Variants in GNAS observed in about 807,000 individuals in gnomAD.
GNAS encodes GNAS complex locus.
GNAS carries 8 observed loss-of-function variants against 54.5 expected under a neutral mutation model. The ratio of observed to expected loss-of-function variants is 0.15; its 90% CI spans 0.09 to 0.26. The LOEUF is 0.26. GNAS is among the 10% of genes least tolerant of loss of function. GNAS has a pLI of 1.00. For missense variants in GNAS, 170 were observed against 529.8 expected (o/e 0.32, Z 6.67); for synonymous variants, 204 against 191.4 (o/e 1.07, Z -0.54).
chr20:58,864,942 C>A (rs1406659575), intron 1 of GNAS, among the ~76,000 whole-genome samples: 2 of 151,698 alleles, frequency 1.3e-5, no homozygotes, highest in East Asian at 3.9e-4. Context: ...CACACACACA[C>A]ACACACACAC....
chr20:58,895,350 C>T, intron 1 of GNAS: 1 of 472,136 alleles, frequency 2.1e-6, no homozygotes, highest in South Asian at 2.2e-5. Flanking sequence ...ATTTTTTAAA[C>T]AATCAAAAGA....
rs2091347463 is a variant in GNAS, at chr20:58,910,243, G to GT, written c.971-87dup. 1 of 1,284,312 alleles carries GT rather than the reference G, an allele frequency of 7.8e-7. No individual in the cohort carries two copies. The allele number at this position is 1,284,312 out of a possible 1,614,324, so 79.6% of individuals were successfully genotyped here. On this transcript the variant is annotated intron_variant, in intron 11 of 12. Coordinates refer to ENST00000371085, the MANE Select transcript of GNAS (RefSeq NM_000516.7). The surrounding 1 kb of genome is among the most constrained non-coding windows in gnomAD (Gnocchi z 5.8). ...CTAATTCTCATATGGAAAAATCAGG[G>GT]TTTTGAAGACTTCAGGAGCTACAGA...
chr20:58,899,974 A>G (rs917346679), intron 3 of GNAS: 4 of 717,450 alleles, frequency 5.6e-6, no homozygotes, highest in African/African-American at 1.8e-5. Context: ...GATGATGGCT[A>G]CAGTTTCTCA....
chr20:58,859,685 G>T (rs1415377776), intron 1 of GNAS, among the ~76,000 whole-genome samples: 2 of 150,978 alleles, frequency 1.3e-5, no homozygotes, highest in Admixed American at 1.3e-4. Context: ...GGAGTGCGAT[G>T]GTGTGATTTT....
At chr20:58,900,251 T>C (rs747038622) in intron 3 of GNAS, 5 of 497,904 alleles carry the variant, frequency 1.0e-5, no homozygotes, top group East Asian at 3.4e-5. Context: ...GAGCAAGATA[T>C]GACAAGTCCT....
chr20:58,843,314 CCCCCGAGGAAAG>C (rs2145488660), intron 1 of GNAS: 1 of 151,994 alleles, frequency 6.6e-6, no homozygotes, highest in East Asian at 1.9e-4. Flanking sequence ...GCTATACCAA[CCCCCGAGGAAAG>C]CACCTATGGC....
chr20:58,891,463 G>A lies in GNAS; in HGVS notation c.-264G>A. The stretch of plus-strand genomic sequence containing the variant: ...CTGCTCTGGTCCGCCTCGGCCCGGC[G>A]GCGGCCATCAGCCCCCTCGGCCTCG... On this transcript the variant is annotated 5_prime_UTR_variant, in exon 1 of 13. Coordinates refer to ENST00000371085, the MANE Select transcript of GNAS (RefSeq NM_000516.7). The A allele has an allele frequency of 3.7e-6, 3 of 820,290 alleles. No homozygotes were observed. The highest frequency in any genetic ancestry group is 4.4e-6 in the Non-Finnish European group (3 of 682,066). 50.8% of individuals were successfully genotyped at this position (820,290 alleles called of 1,614,324 possible). A position where few individuals can be genotyped will look rare whatever the true frequency, so the allele number is the denominator to read the frequency against.
At chr20:58,854,582 C>T in intron 1 of GNAS, 1 of 1,557,404 alleles carries the variant, frequency 6.4e-7, no homozygotes, top group Non-Finnish European at 8.6e-7. Context: ...CCGCCCCAGC[C>T]GATCCCGACT....
chr20:58,895,449 T>A lies in GNAS; in HGVS notation c.140-163T>A, dbSNP rs902731304. 6 of 670,612 alleles carry A rather than the reference T, an allele frequency of 8.9e-6. No homozygotes were observed. In the South Asian group the frequency reaches 9.8e-5, roughly 11 times the overall value. The allele number at this position is 670,612 out of a possible 1,614,324, so 41.5% of individuals were successfully genotyped here. ...GACACTGAATTGGACATTGATTTCC[T>A]TTTCTCTGCGTCGAAATGTCAAGGA... On this transcript the variant is annotated intron_variant, in intron 1 of 12. Transcript: ENST00000371085.
intron 1 of GNAS, among the ~76,000 whole-genome samples, chr20:58,894,801 T>C (rs1252627290): frequency 6.6e-6 from 1 of 152,250 alleles, no homozygotes; most frequent in Non-Finnish European, 1.5e-5. Flanking sequence ...TTTGTTCTTA[T>C]GTTACTTTTT....
upstream of GNAS, chr20:58,840,270 G>T (rs761937008): frequency 1.9e-6 from 3 of 1,611,900 alleles, no homozygotes; most frequent in East Asian, 6.7e-5. This position sits in a 1 kb window ranked among gnomAD's most constrained non-coding sequence, Gnocchi z 6.0. Context: ...GCCCAGCAGC[G>T]CGCGGCTGCC....
intron 3 of GNAS, among the ~76,000 whole-genome samples, chr20:58,899,649 T>TCA (rs371284636): frequency 3.6e-4 from 48 of 133,366 alleles, no homozygotes; most frequent in African/African-American, 8.6e-4. Flanking sequence ...CCCACACCCA[T>TCA]CACACACACA....
intron 1 of GNAS, chr20:58,855,602 G>A: frequency 1.4e-6 from 1 of 717,438 alleles, no homozygotes; most frequent in East Asian, 2.7e-5. Flanking sequence ...CGGCTGGACA[G>A]GCCAGCGCCA....
intron 1 of GNAS, chr20:58,892,337 T>A (rs1161038595): frequency 4.9e-6 from 1 of 202,470 alleles, no homozygotes; most frequent in Non-Finnish European, 8.2e-6. Flanking sequence ...GGTGTGAGAT[T>A]TGTTGGGAGA....
At chr20:58,908,156 T>C (rs1191930212) in intron 6 of GNAS, among the ~76,000 whole-genome samples, 1 of 152,242 alleles carries the variant, frequency 6.6e-6, no homozygotes, top group Non-Finnish European at 1.5e-5. Flanking sequence ...AACTTTTCTC[T>C]CTTTATGATT....
intron 1 of GNAS, among the ~76,000 whole-genome samples, chr20:58,858,734 G>A (rs1168155027): frequency 6.6e-6 from 1 of 152,114 alleles, no homozygotes; most frequent in Non-Finnish European, 1.5e-5. Context: ...GCCACCAAGT[G>A]CAACAGTATG....
intron 1 of GNAS, among the ~76,000 whole-genome samples, chr20:58,883,839 G>A (rs569154766): frequency 6.6e-6 from 1 of 152,320 alleles, no homozygotes; most frequent in Admixed American, 6.5e-5. Flanking sequence ...ATTGGGAGCT[G>A]TGCAGACTGT....
Position 58,853,518 on chromosome 20 carries a change from T to A in GNAS, c.43+12632T>A, listed in dbSNP as rs747636634. 6.2e-7 allele frequency: 1 copy of A among 1,613,160 alleles called. No homozygotes were observed. The highest frequency in any genetic ancestry group is 1.3e-5 in the African/African-American group (1 of 74,938). On this transcript the variant is annotated intron_variant, in intron 1 of 12. Transcript: ENST00000306090. This position sits in a 1 kb window ranked among gnomAD's most constrained non-coding sequence, Gnocchi z 4.4. ...CAACTTTCAGGTCCTCAACCCGGCA[T>A]TCAGGGAAGCTGGAGCCCATGGAAG...
Position 58,905,320 on chromosome 20 carries a change from G to C in GNAS, c.433-63G>C, listed in dbSNP as rs2090966869. On this transcript the variant is annotated intron_variant, in intron 5 of 12. Transcript: ENST00000371085. ...GGAACTCTGGTCTCAGGGTTTGAAT[G>C]ACAGTGTTGTTGATTAGTTCAAGCT... 15 of 931,152 alleles carry C rather than the reference G, an allele frequency of 1.6e-5. No individual in the cohort carries two copies. In the South Asian group the frequency reaches 1.9e-4, roughly 12 times the overall value. 57.7% of individuals were successfully genotyped at this position (931,152 alleles called of 1,614,324 possible).
Sources: allele counts gnomAD v4.1 joint callset (sites outside exome capture counted in the v4.1 genomes callset), GRCh38; gene constraint gnomAD v4.1.1; non-coding constraint Gnocchi (gnomAD v3.1); transcripts MANE v1.5; gene names NCBI Gene and HGNC (gene_info 2026-07-23, HGNC 2026-07-21).